The following DRICH1 variants were observed in gnomAD, a reference collection of about 807,000 sequenced individuals.
DRICH1 encodes the protein aspartate-rich protein 1.
DRICH1 carries 38 observed loss-of-function variants against 39.5 expected under a neutral mutation model. The ratio of observed to expected loss-of-function variants is 0.96; its 90% CI spans 0.74 to 1.26. The LOEUF (loss-of-function observed/expected upper bound fraction) is 1.26. Among genes scored for constraint, DRICH1 ranks in the 50% most tolerant of loss-of-function variants. The pLI is 0.00. For missense variants in DRICH1, 279 were observed against 270.4 expected, an observed-to-expected ratio of 1.03 and a Z score of -0.22; for synonymous variants, 84 against 99.5, an observed-to-expected ratio of 0.84 and a Z score of 0.93.
At chr22:23,613,362 T>C (rs749382406) in intron 10 of DRICH1, 32 bp from the exon 11 acceptor site, 2 of 1,583,340 alleles carry the variant, frequency 1.3e-6, no homozygotes, top group South Asian at 1.1e-5. Flanking sequence ...AATAAGTCAT[T>C]AGAGAGAGTG....
chr22:23,610,761 G>A (rs1602329380), intron 11 of DRICH1, among the ~76,000 whole-genome samples: 2 of 151,558 alleles, frequency 1.3e-5, no homozygotes, highest in African/African-American at 4.9e-5. Flanking sequence ...GTCCCACATA[G>A]AACACATCAA....
At chr22:23,613,514 ACTGG>A in intron 10 of DRICH1, 121 bp downstream of exon 10, 1 of 911,810 alleles carries the variant, frequency 1.1e-6, no homozygotes, top group Non-Finnish European at 1.8e-6. Context: ...AGAGTTCTAT[ACTGG>A]CAGAATCACT....
rs1317481230 is a variant in DRICH1, at chr22:23,629,207, T to A, written c.208+2609A>T. On this transcript the variant is annotated intron_variant, in intron 1 of 11. Coordinates refer to ENST00000317749, the MANE Select transcript of DRICH1 (RefSeq NM_016449.4). Reference sequence around the variant, plus strand: ...GCACCCACCACCACATCCAACTCATTTTTATATTTTCAGTAGAGACAGGGT... The same window carrying A: ...GCACCCACCACCACATCCAACTCATATTTATATTTTCAGTAGAGACAGGGT... Among the ~76,000 whole-genome samples the A allele has an allele frequency of 2.6e-5, 4 of 152,132 alleles. No homozygotes were observed. In the East Asian group the frequency reaches 5.8e-4, roughly 22 times the overall value.
At chr22:23,609,459 G>T (rs955231390) in intron 11 of DRICH1, among the ~76,000 whole-genome samples, 1 of 152,190 alleles carries the variant, frequency 6.6e-6, no homozygotes, top group African/African-American at 2.4e-5. Flanking sequence ...AGGCATCTGA[G>T]GGAGCCTGGA....
intron 1 of DRICH1, among the ~76,000 whole-genome samples, chr22:23,629,431 T>C (rs1439539397): frequency 6.7e-6 from 1 of 150,360 alleles, no homozygotes; most frequent in Non-Finnish European, 1.5e-5. Flanking sequence ...CAGTCCATCA[T>C]GGGGATCAGT....
intron 11 of DRICH1, among the ~76,000 whole-genome samples, chr22:23,611,242 T>G (rs149389292): frequency 1.4e-3 from 210 of 152,314 alleles, no homozygotes; most frequent in African/African-American, 4.8e-3. Flanking sequence ...GCGTGTCTCC[T>G]GAGTAATTTA....
rs374083803 is a variant in DRICH1 at position 23,615,396 on chromosome 22, A to T, written c.542-1182T>A. On this transcript the variant is annotated intron_variant, in intron 8 of 11. Transcript: ENST00000317749. ...CATCTCAAAATATACATATATATTT[A>T]TTTGATACCTATTCATTCAGACATA... Among the ~76,000 whole-genome samples the T allele has an allele frequency of 5.3e-5, 8 of 152,352 alleles. No individual in the cohort carries two copies. The East Asian group carries it at 9.6e-4, about 18-fold the overall frequency.
chr22:23,620,902 T>C (rs145730797), intron 4 of DRICH1, among the ~76,000 whole-genome samples: 50 of 152,246 alleles, frequency 3.3e-4, no homozygotes, highest in Non-Finnish European at 6.2e-4. Flanking sequence ...TGGAGGAAAA[T>C]GCCTCTGCAT....
chr22:23,620,703 A>G (rs1927672139), intron 4 of DRICH1, 88 bp from the exon 5 acceptor site: 9 of 1,466,664 alleles, frequency 6.1e-6, no homozygotes, highest in Middle Eastern at 3.4e-4. Context: ...TGATGACTTC[A>G]GAAAACTAGT....
At chr22:23,609,685 C>T (rs567006608) in intron 11 of DRICH1, among the ~76,000 whole-genome samples, 16 of 152,270 alleles carry the variant, frequency 1.1e-4, no homozygotes, top group Non-Finnish European at 2.4e-4. Flanking sequence ...CCTCCCTTCC[C>T]CAAACTCACG....
At position 23,616,981 on chromosome 22, in the gene DRICH1, A is replaced by G; in HGVS notation, c.520-107T>C. 4.5e-6 allele frequency: 6 copies of G among 1,345,498 alleles called. No homozygotes were observed. In the South Asian group the frequency reaches 7.2e-5, roughly 16 times the overall value. 83.3% of individuals were successfully genotyped at this position (1,345,498 alleles called of 1,614,324 possible). A position where few individuals can be genotyped will look rare whatever the true frequency, so the allele number is the denominator to read the frequency against. On this transcript the variant is annotated intron_variant, in intron 7 of 11. Coordinates refer to ENST00000317749, the MANE Select transcript of DRICH1 (RefSeq NM_016449.4). ...GACTTCACAAAACTATTTGTAAGAC[A>G]GTGGTAAGTCAAGGTCAAAGACCAA...
chr22:23,596,945 TATTGC>T, the DRICH1 span, among the ~76,000 whole-genome samples: 2 of 151,404 alleles, frequency 1.3e-5, no homozygotes, highest in Non-Finnish European at 2.9e-5. Context: ...GACAGTATAG[TATTGC>T]AACTATTATT....
At chr22:23,596,373 C>T in the DRICH1 span, among the ~76,000 whole-genome samples, 2 of 152,130 alleles carry the variant, frequency 1.3e-5, no homozygotes, top group Non-Finnish European at 2.9e-5. Context: ...GACCCTCCCA[C>T]CTCAGCTTCG....
At chr22:23,615,953 T>G (rs548702305) in intron 8 of DRICH1, among the ~76,000 whole-genome samples, 12 of 152,280 alleles carry the variant, frequency 7.9e-5, no homozygotes, top group Middle Eastern at 3.4e-3. Flanking sequence ...CTCATTCAAA[T>G]AAAGAAATAG....
intron 10 of DRICH1, 23 bp downstream of exon 10, chr22:23,613,616 G>C (rs762553837): frequency 1.3e-6 from 2 of 1,587,312 alleles, no homozygotes; most frequent in South Asian, 2.2e-5. Context: ...CCCTCAGGAA[G>C]TGAGTTATCT....
chr22:23,619,324 G>T, intron 6 of DRICH1, 40 bp downstream of exon 6: 2 of 780,044 alleles, frequency 2.6e-6, no homozygotes, highest in South Asian at 2.7e-5. Flanking sequence ...GACTCAGCAT[G>T]ACTAACACAC....
chr22:23,603,585 C>G (rs1053549126), downstream of DRICH1, among the ~76,000 whole-genome samples: 9 of 152,172 alleles, frequency 5.9e-5, no homozygotes, highest in Non-Finnish European at 1.2e-4. Flanking sequence ...CTCCGTGTCC[C>G]CCAGGAGCTC....
chr22:23,629,476 G>C (rs1928265603), intron 1 of DRICH1, among the ~76,000 whole-genome samples: 1 of 152,230 alleles, frequency 6.6e-6, no homozygotes, highest in South Asian at 2.1e-4. Flanking sequence ...CAGTACATGA[G>C]TGTTGAGCCT....
In DRICH1 at chr22:23,614,035, C is replaced by A. The variant is rs760584448; in HGVS notation, c.621+100G>T. 15 of 807,408 alleles carry A rather than the reference C, an allele frequency of 1.9e-5. No individual in the cohort carries two copies. The African/African-American group carries it at 2.4e-4, about 13-fold the overall frequency. The allele number at this position is 807,408 out of a possible 1,614,324, so 50.0% of individuals were successfully genotyped here. A position where few individuals can be genotyped will look rare whatever the true frequency, so the allele number is the denominator to read the frequency against. ...CACAAAGAGAATAGTGTACAGTGTA[C>A]ATAATGTGCATTGCCAGATTTTCAT... On this transcript the variant is annotated intron_variant, in intron 9 of 11. Coordinates refer to ENST00000317749, the MANE Select transcript of DRICH1 (RefSeq NM_016449.4).
Sources: gnomAD v4.1 joint callset for allele counts (sites outside exome capture counted in the v4.1 genomes callset) on GRCh38, gnomAD v4.1.1 for gene constraint, MANE v1.5 for transcripts, NCBI Gene and HGNC (gene_info 2026-07-23, HGNC 2026-07-21) for gene names.